Variants in POLR3A observed in about 807,000 individuals in gnomAD.
POLR3A encodes DNA-directed RNA polymerase III subunit RPC1.
POLR3A carries 112 observed loss-of-function variants against 152.8 expected under a neutral mutation model. The observed-to-expected ratio is 0.73, with a 90% confidence interval of 0.63 to 0.86. The LOEUF (loss-of-function observed/expected upper bound fraction) is 0.86. Among genes scored for constraint, POLR3A ranks in the 40% least tolerant of loss-of-function variants. POLR3A has a pLI of 0.00. For synonymous variants in POLR3A, 615 were observed against 652.1 expected, an observed-to-expected ratio of 0.94 and a Z score of 0.87; for missense variants, 1,385 against 1,743.1, an observed-to-expected ratio of 0.79 and a Z score of 3.66.
chr10:78,006,105 A>G (rs1847408132), intron 15 of POLR3A, among the ~76,000 whole-genome samples: 1 of 152,212 alleles, frequency 6.6e-6, no homozygotes, highest in Non-Finnish European at 1.5e-5. Context: ...AAAGCTTTAA[A>G]AACAAAACAG....
chr10:78,011,032 G>A (rs948479274), intron 11 of POLR3A, among the ~76,000 whole-genome samples: 2 of 152,002 alleles, frequency 1.3e-5, no homozygotes, highest in African/African-American at 2.4e-5. Context: ...TTTTTTTGTG[G>A]AGACGGGGTC....
Position 78,010,465 on chromosome 10 carries a change from A to C in POLR3A, c.1642+6T>G. On this transcript the variant is annotated splice_donor_region_variant and intron_variant, in intron 12 of 30. Coordinates refer to ENST00000372371, the MANE Select transcript of POLR3A (RefSeq NM_007055.4). Reference sequence around the variant, plus strand: ...ATCTCCTTTCAAGTGAACTTCACCAACCTACCTGTTAGAAAATCCTGAATA... The same window carrying C: ...ATCTCCTTTCAAGTGAACTTCACCACCCTACCTGTTAGAAAATCCTGAATA... 6.2e-7 allele frequency: 1 copy of C among 1,608,044 alleles called. No homozygotes were observed. Among genetic ancestry groups the C allele is most frequent in the Non-Finnish European group, 8.5e-7 (1 of 1,174,412 alleles).
intron 14 of POLR3A, 85 bp downstream of exon 14, chr10:78,009,452 G>A (rs1589313310): frequency 1.8e-5 from 29 of 1,581,638 alleles, no homozygotes; most frequent in East Asian, 2.2e-5. Flanking sequence ...TGCTTGCTTC[G>A]CGAAGGTACC....
At chr10:78,023,426 C>T (rs936731136) in intron 5 of POLR3A, among the ~76,000 whole-genome samples, 1 of 152,008 alleles carries the variant, frequency 6.6e-6, no homozygotes. Flanking sequence ...TGCAACCGCA[C>T]TCCAGCCTGG....
rs1310681163 is a variant in POLR3A, at chr10:78,024,546, C to T, written c.645+3G>A. On this transcript the variant is annotated splice_donor_region_variant and intron_variant, in intron 5 of 30. Coordinates refer to ENST00000372371, the MANE Select transcript of POLR3A (RefSeq NM_007055.4). ...GAAGGCAGGCGTGCATTCTCAGGCTCACCTGTGCCCTTCCCAGCAGAGGCT... is the reference window on the plus strand; with the variant it reads ...GAAGGCAGGCGTGCATTCTCAGGCTTACCTGTGCCCTTCCCAGCAGAGGCT... 8.7e-6 allele frequency: 14 copies of T among 1,612,894 alleles called. No homozygotes were observed. The highest frequency in any genetic ancestry group is 1.7e-5 in the Admixed American group (1 of 59,964).
rs1471736915 is a variant in POLR3A at position 77,975,796 on chromosome 10, C to T, written c.*1682G>A. The T allele has an allele frequency of 1.3e-5, 2 of 152,276 alleles. No individual in the cohort carries two copies. The highest frequency in any genetic ancestry group is 4.8e-5 in the African/African-American group (2 of 41,446). The allele number at this position is 152,276 out of a possible 1,614,324, so 9.4% of individuals were successfully genotyped here. A position where few individuals can be genotyped will look rare whatever the true frequency, so the allele number is the denominator to read the frequency against. ...GTGGTCCTGGCTCGGATCAGGCCTA[C>T]AGCTTACTTCCCAGGCATGCTTCCA... On this transcript the variant is annotated 3_prime_UTR_variant, in exon 31 of 31. Transcript: ENST00000372371.
intron 15 of POLR3A, 124 bp downstream of exon 15, chr10:78,007,578 G>A: frequency 1.3e-6 from 1 of 789,472 alleles, no homozygotes; most frequent in Non-Finnish European, 2.2e-6. Context: ...CCTGGAATGA[G>A]TATCTTTTTC....
chr10:77,984,003 AC>A lies in POLR3A; in HGVS notation c.3345del (p.Glu1115AspfsTer26). ...IEKTLLGEIS[E>X]YIEEVFLPDD... ...TCAGGAAGAAACACTTCTTCAATAT[AC>A]TCGGAAATCTGGAGTGTCAAAAGAT... On this transcript the variant is annotated frameshift_variant, in exon 26 of 31. Transcript: ENST00000372371. LOFTEE classifies it high-confidence loss of function. 6.2e-7 allele frequency: 1 copy of A among 1,606,954 alleles called. No homozygotes were observed. The highest frequency in any genetic ancestry group is 8.5e-7 in the Non-Finnish European group (1 of 1,173,718).
In POLR3A at chr10:78,024,593, T is replaced by C. The variant is rs377131755; in HGVS notation, c.601A>G (p.Ile201Val). 1.7e-5 allele frequency: 27 copies of C among 1,613,938 alleles called. No individual in the cohort carries two copies. Among genetic ancestry groups the C allele is most frequent in the Middle Eastern group, 1.7e-4 (1 of 6,046 alleles). The change falls in exon 5 of 31, where the codon ATT (isoleucine) becomes GTT (valine). Residue 201 changes from isoleucine to valine, a missense_variant. By Grantham distance (29) the Ile-to-Val change is conservative (BLOSUM62 3). This residue lies in a region of POLR3A where 493 missense variants were observed against 647.5 expected (regional missense o/e 0.76). Coordinates refer to ENST00000372371, the MANE Select transcript of POLR3A (RefSeq NM_007055.4). The stretch of plus-strand genomic sequence containing the variant: ...GGCTCCACTTCTTTATTATGTTCAA[T>C]GGCTGTTTCAAAAGACTGAAGGAAA... Reference protein sequence around the residue: ...SNFLQSFETAIEHNKEVEPLL... With the variant: ...SNFLQSFETAVEHNKEVEPLL...
intron 21 of POLR3A, among the ~76,000 whole-genome samples, chr10:77,990,393 G>C (rs1386712754): frequency 6.6e-6 from 1 of 152,198 alleles, no homozygotes; most frequent in African/African-American, 2.4e-5. Context: ...GATTCAGAAT[G>C]ATTGAGGGAA....
Position 78,017,540 on chromosome 10 carries a change from A to G in POLR3A, c.1431+35T>C, listed in dbSNP as rs758605088. 4.3e-6 allele frequency: 7 copies of G among 1,610,070 alleles called. No individual in the cohort carries two copies. In the South Asian group the frequency reaches 6.6e-5, roughly 15 times the overall value. ...CACTGAACAGTCATGGCAAATTTCT[A>G]CGTGATGGAAAATTTAAAAAGCAGT... On this transcript the variant is annotated intron_variant, in intron 10 of 30. Transcript: ENST00000372371.
chr10:78,015,181 T>C (rs1052603431), intron 10 of POLR3A, among the ~76,000 whole-genome samples: 3 of 152,158 alleles, frequency 2.0e-5, no homozygotes, highest in African/African-American at 4.8e-5. Flanking sequence ...TGGATACATA[T>C]TGAAAAATGA....
intron 21 of POLR3A, among the ~76,000 whole-genome samples, chr10:77,987,726 T>C (rs960092462): frequency 6.6e-6 from 1 of 152,222 alleles, no homozygotes; most frequent in Non-Finnish European, 1.5e-5. Flanking sequence ...CCATTTCTAG[T>C]TACTACCCTT....
rs775708213 is a variant in POLR3A, at chr10:77,991,166, G to C, written c.2789C>G (p.Ala930Gly). 1.9e-6 allele frequency: 3 copies of C among 1,592,032 alleles called. No individual in the cohort carries two copies. Among genetic ancestry groups the C allele is most frequent in the Admixed American group, 3.3e-5 (2 of 60,016 alleles). Residue 930 changes from alanine to glycine, a missense_variant and splice_region_variant, in exon 21 of 31, where the codon GCA (alanine) becomes GGA (glycine). Transcript: ENST00000372371. ...AGGCTCACTGGGACACGGGAAGACT[G>C]CCTTGAGTATTAAAAGAAAATTGCA... ...EFKRVLDNIK[A>G]VFPCPSEPAL... is the part of the protein sequence containing the mutation.
In POLR3A at chr10:77,977,178, C is replaced by CCG; in HGVS notation, c.*299_*300insCG. ...GGATGGACCATGACACCTGGCTGGG[C>CCG]TTTAAGTCCAGGGAAGCAGTGTGTG... On this transcript the variant is annotated 3_prime_UTR_variant, in exon 31 of 31. Coordinates refer to ENST00000372371, the MANE Select transcript of POLR3A (RefSeq NM_007055.4). 2 of 397,086 alleles carry CCG rather than the reference C, an allele frequency of 5.0e-6. No individual in the cohort carries two copies. Among genetic ancestry groups the CCG allele is most frequent in the South Asian group, 2.2e-5 (1 of 45,694 alleles). The allele number at this position is 397,086 out of a possible 1,614,324, so 24.6% of individuals were successfully genotyped here.
chr10:77,982,419 C>A (rs1847155848), intron 27 of POLR3A, 101 bp from the exon 28 acceptor site: 3 of 1,162,728 alleles, frequency 2.6e-6, no homozygotes, highest in Non-Finnish European at 3.9e-6. Flanking sequence ...TCTGTTAACA[C>A]ACTAGAGCTA....
chr10:78,010,444 C>T (rs1283133020), intron 12 of POLR3A, 27 bp downstream of exon 12: 15 of 1,538,880 alleles, frequency 9.7e-6, no homozygotes, highest in Non-Finnish European at 9.9e-6. Flanking sequence ...TCAGAAATCT[C>T]CTTTCAAGTG....
intron 11 of POLR3A, among the ~76,000 whole-genome samples, chr10:78,012,885 C>T (rs1847480347): frequency 6.6e-6 from 1 of 152,156 alleles, no homozygotes; most frequent in Non-Finnish European, 1.5e-5. Context: ...CCACACCTGG[C>T]TAATTTTTGT....
chr10:77,984,180 G>C (rs768999489), intron 25 of POLR3A, 25 bp downstream of exon 25: 1 of 1,480,362 alleles, frequency 6.8e-7, no homozygotes, highest in Non-Finnish European at 9.4e-7. Context: ...TAGTTTTCTT[G>C]TTATCAATAG....
Sources: allele counts gnomAD v4.1 joint callset (sites outside exome capture counted in the v4.1 genomes callset), GRCh38; gene constraint gnomAD v4.1.1; regional missense constraint gnomAD v4.1.1; transcripts MANE v1.5; gene names NCBI Gene and HGNC (gene_info 2026-07-23, HGNC 2026-07-21).